Variants in ERCC6L2 observed in about 807,000 individuals in gnomAD.
The protein encoded by ERCC6L2 is ERCC excision repair 6 like 2, also known as DNA excision repair protein ERCC-6-like 2.
A neutral mutation model predicts 132.0 loss-of-function variants in ERCC6L2; 77 were observed. The ratio of observed to expected loss-of-function variants is 0.58; its 90% CI spans 0.49 to 0.71. The LOEUF is 0.71. ERCC6L2 is among the 30% of genes least tolerant of loss of function. ERCC6L2 has a pLI of 0.00. For missense variants in ERCC6L2, 1,542 were observed against 1,837.6 expected (o/e 0.84, Z 2.94); for synonymous variants, 583 against 632.4 (o/e 0.92, Z 1.17).
chr9:95,916,510 C>G, intron 6 of ERCC6L2, 76 bp downstream of exon 6: 1 of 1,234,712 alleles, frequency 8.1e-7, no homozygotes, highest in Non-Finnish European at 1.1e-6. Flanking sequence ...AGTCTGTCTC[C>G]TGTGGCATTT....
chr9:96,010,877 C>G (rs181305586), intron 18 of ERCC6L2, among the ~76,000 whole-genome samples: 1 of 152,334 alleles, frequency 6.6e-6, no homozygotes, highest in Non-Finnish European at 1.5e-5. Context: ...TAGCACATAA[C>G]AGGCTCTATA....
intron 14 of ERCC6L2, chr9:95,968,356 A>G (rs993802418): frequency 1.3e-5 from 2 of 152,178 alleles, no homozygotes; most frequent in African/African-American, 2.4e-5. Context: ...TCCATGCCCT[A>G]CATTTGTCTT....
intron 4 of ERCC6L2, among the ~76,000 whole-genome samples, chr9:95,912,838 C>T (rs1458408502): frequency 6.6e-6 from 1 of 152,146 alleles, no homozygotes; most frequent in Admixed American, 6.5e-5. Context: ...ATTACTTTCT[C>T]AAGATATATT....
chr9:95,901,884 T>G (rs182980055), intron 3 of ERCC6L2, among the ~76,000 whole-genome samples: 42 of 152,340 alleles, frequency 2.8e-4, no homozygotes, highest in Non-Finnish European at 1.5e-5. Context: ...TTTGAAAGTT[T>G]TAAAAGATAA....
At position 95,889,818 on chromosome 9, in the gene ERCC6L2, A is replaced by G. The variant is rs182139575; in HGVS notation, c.472-8031A>G. Among the ~76,000 whole-genome samples the G allele has an allele frequency of 1.1e-4, 17 of 152,354 alleles. No homozygotes were observed. In the East Asian group the frequency reaches 2.5e-3, roughly 22 times the overall value. ...GGTGATGTATTTTTAAATAGAAAAC[A>G]TAACTTTAAAAATATTTATAAAATG... On this transcript the variant is annotated intron_variant, in intron 2 of 18. Transcript: ENST00000653738.
At chr9:96,019,493 A>G (rs534253011), downstream of ERCC6L2, among the ~76,000 whole-genome samples, 1 of 152,046 alleles carries the variant, frequency 6.6e-6, no homozygotes, top group East Asian at 1.9e-4. Context: ...GGTTCCTTCC[A>G]TGTCACCCCT....
At chr9:95,955,441 C>A (rs574093097) in intron 12 of ERCC6L2, among the ~76,000 whole-genome samples, 82 of 148,776 alleles carry the variant, frequency 5.5e-4, no homozygotes, top group South Asian at 4.1e-4. Flanking sequence ...ACATAATAAA[C>A]ATACCCATCA....
At position 96,018,081 on chromosome 9, in the gene ERCC6L2, G is replaced by A. The variant is rs573954448; in HGVS notation, c.*4878G>A. Reference sequence around the variant, plus strand: ...GTAGAATGGTGGTTGCTAGACGCTGGAGGGAGGGGAGAAAGGGGAGTTATT... The same window carrying A: ...GTAGAATGGTGGTTGCTAGACGCTGAAGGGAGGGGAGAAAGGGGAGTTATT... On this transcript the variant is annotated 3_prime_UTR_variant, in exon 19 of 19. Transcript: ENST00000653738. 7.2e-5 allele frequency among the ~76,000 whole-genome samples: 11 copies of A among 152,312 alleles called. No individual in the cohort carries two copies. In the South Asian group the frequency reaches 2.3e-3, roughly 32 times the overall value.
At chr9:95,876,284 G>T in intron 1 of ERCC6L2, 200 bp downstream of exon 1, 1 of 517,404 alleles carries the variant, frequency 1.9e-6, no homozygotes, top group Non-Finnish European at 3.4e-6. Context: ...CAGCCCCTGG[G>T]ATCTAGTGCT....
At chr9:95,938,129 T>G (rs969690979) in intron 11 of ERCC6L2, among the ~76,000 whole-genome samples, 1 of 152,056 alleles carries the variant, frequency 6.6e-6, no homozygotes, top group Admixed American at 6.6e-5. Flanking sequence ...GTTTGGAATT[T>G]TTTTTGTTGT....
At position 96,015,751 on chromosome 9, in the gene ERCC6L2, C is replaced by T. The variant is rs1421110281; in HGVS notation, c.*2548C>T. Among the ~76,000 whole-genome samples the T allele has an allele frequency of 6.6e-6, 1 of 152,004 alleles. No individual in the cohort carries two copies. Among genetic ancestry groups the T allele is most frequent in the African/African-American group, 2.4e-5 (1 of 41,384 alleles). ...CTGGGAGGCAGAGCTTGCAGTGAGCCAGGATTGTGCCCCTGCACCCCAGCC... is the reference window on the plus strand; with the variant it reads ...CTGGGAGGCAGAGCTTGCAGTGAGCTAGGATTGTGCCCCTGCACCCCAGCC... On this transcript the variant is annotated 3_prime_UTR_variant, in exon 19 of 19. Coordinates refer to ENST00000653738, the MANE Select transcript of ERCC6L2 (RefSeq NM_020207.7).
chr9:95,899,077 A>G (rs866134839), intron 3 of ERCC6L2, among the ~76,000 whole-genome samples: 2 of 152,280 alleles, frequency 1.3e-5, no homozygotes, highest in African/African-American at 4.8e-5. Context: ...CCACTGTGAC[A>G]GCAGATAGAA....
chr9:95,998,967 T>C (rs1217658951), intron 17 of ERCC6L2, among the ~76,000 whole-genome samples: 1 of 152,214 alleles, frequency 6.6e-6, no homozygotes, highest in South Asian at 2.1e-4. Context: ...TTTCACAGCC[T>C]TGTTTCAGTA....
At chr9:95,907,857 C>CACACACACAAACACACACACACACACA in intron 4 of ERCC6L2, among the ~76,000 whole-genome samples, 20 of 133,814 alleles carry the variant, frequency 1.5e-4, no homozygotes, top group South Asian at 2.5e-4. Flanking sequence ...ACACACACAC[C>CACACACACAAACACACACACACACACA]CCCACACCCA....
At chr9:95,924,314 C>T (rs1158666000) in intron 9 of ERCC6L2, among the ~76,000 whole-genome samples, 4 of 151,734 alleles carry the variant, frequency 2.6e-5, no homozygotes, top group Non-Finnish European at 5.9e-5. Context: ...AATATACATA[C>T]ATACATAAAG....
intron 2 of ERCC6L2, among the ~76,000 whole-genome samples, chr9:95,884,086 A>G (rs965573194): frequency 2.0e-5 from 3 of 152,186 alleles, no homozygotes; most frequent in East Asian, 1.9e-4. Context: ...AGAATTTTCT[A>G]TTCCTGATAC....
chr9:95,971,658 A>T, intron 15 of ERCC6L2: 1 of 181,162 alleles, frequency 5.5e-6, no homozygotes, highest in Non-Finnish European at 1.2e-5. Flanking sequence ...TAGAAGCCAA[A>T]CACTCCACTT....
At chr9:96,033,924 C>A (rs1050097871) in intron 19 of ERCC6L2, among the ~76,000 whole-genome samples, 1 of 152,342 alleles carries the variant, frequency 6.6e-6, no homozygotes, top group South Asian at 2.1e-4. Context: ...CATCACCTGC[C>A]TGGTGCAGGG....
Position 96,012,755 on chromosome 9 carries a change from A to T in ERCC6L2, c.4205A>T (p.Asp1402Val). ...RERRLENTMK[D>V]QQDLTRTGIS... Reference sequence around the variant, plus strand: ...AGAAGGTTAGAAAATACCATGAAAGACCAACAGGACCTCACAAGAACGGGC... The same window carrying T: ...AGAAGGTTAGAAAATACCATGAAAGTCCAACAGGACCTCACAAGAACGGGC... The change falls in exon 19 of 19, where the codon GAC becomes GTC. Residue 1402 changes from aspartate (D) to valine (V), a missense_variant. Around this residue, in one of 4 missense-constraint regions of ERCC6L2, gnomAD observed 442 missense variants for 583.4 expected, o/e 0.76. Transcript: ENST00000653738. 3 of 1,367,632 alleles carry T rather than the reference A, an allele frequency of 2.2e-6. No homozygotes were observed. The highest frequency in any genetic ancestry group is 2.1e-4 in the Middle Eastern group (1 of 4,768). The allele number at this position is 1,367,632 out of a possible 1,614,324, so 84.7% of individuals were successfully genotyped here. A position where few individuals can be genotyped will look rare whatever the true frequency, so the allele number is the denominator to read the frequency against.
Sources: allele counts gnomAD v4.1 joint callset (sites outside exome capture counted in the v4.1 genomes callset), GRCh38; gene constraint gnomAD v4.1.1; regional missense constraint gnomAD v4.1.1; transcripts MANE v1.5; gene names NCBI Gene and HGNC (gene_info 2026-07-23, HGNC 2026-07-21).